DSCAM: variants seen among roughly 807,000 people sequenced by gnomAD.
The protein encoded by DSCAM is DS cell adhesion molecule, also known as cell adhesion molecule DSCAM.
In DSCAM, 47 loss-of-function variants were observed where a neutral mutation model predicts 217.7. The observed-to-expected ratio is 0.22, with a 90% confidence interval of 0.17 to 0.28. DSCAM has a LOEUF of 0.28. DSCAM is among the 10% of genes least tolerant of loss of function. DSCAM has a pLI of 1.00. For missense variants in DSCAM, 2,080 were observed against 2,618.3 expected (o/e 0.79, Z 4.49); for synonymous variants, 1,056 against 1,015.3 (o/e 1.04, Z -0.76).
intron 1 of DSCAM, among the ~76,000 whole-genome samples, chr21:40,725,395 T>C (rs1231660602): frequency 1.3e-5 from 2 of 152,308 alleles, no homozygotes; most frequent in Non-Finnish European, 1.5e-5. Flanking sequence ...TATGAGGTAC[T>C]CTTCTATCTT....
intron 1 of DSCAM, among the ~76,000 whole-genome samples, chr21:40,744,441 C>A (rs1196824941): frequency 6.6e-6 from 1 of 151,934 alleles, no homozygotes; most frequent in East Asian, 1.9e-4. Flanking sequence ...CTTCCCCTGA[C>A]CTGGAAACAA....
At chr21:40,037,525 A>C (rs1327932258) in intron 32 of DSCAM, among the ~76,000 whole-genome samples, 26 of 147,596 alleles carry the variant, frequency 1.8e-4, no homozygotes, top group Admixed American at 5.3e-4. Context: ...GAGGATACAA[A>C]CAAATGGAAG....
intron 3 of DSCAM, among the ~76,000 whole-genome samples, chr21:40,625,009 T>C (rs767647277): frequency 2.6e-5 from 4 of 152,308 alleles, no homozygotes; most frequent in South Asian, 4.1e-4. Context: ...ATAGGTATTA[T>C]ACAAATATAT....
At position 40,211,707 on chromosome 21, in the gene DSCAM, T is replaced by C. The variant is rs968716530; in HGVS notation, c.2357-22469A>G. On this transcript the variant is annotated intron_variant, in intron 11 of 32. Coordinates refer to ENST00000400454, the MANE Select transcript of DSCAM (RefSeq NM_001389.5). ...TACAGCCCATGATGCATCAGACATG[T>C]AGATTCTCACCAAAATACCTATGGA... Among the ~76,000 whole-genome samples, 67 of 150,522 alleles carry C rather than the reference T, an allele frequency of 4.5e-4. No individual in the cohort carries two copies. In the Middle Eastern group the frequency reaches 0.01, roughly 23 times the overall value.
At chr21:40,055,276 G>A (rs1601279446) in intron 29 of DSCAM, among the ~76,000 whole-genome samples, 2 of 151,956 alleles carry the variant, frequency 1.3e-5, no homozygotes, top group East Asian at 3.9e-4. Flanking sequence ...TTGTTTAAGT[G>A]TTAAGTACAG....
At chr21:40,448,676 G>T (rs1384901170) in intron 3 of DSCAM, among the ~76,000 whole-genome samples, 14 of 151,610 alleles carry the variant, frequency 9.2e-5, no homozygotes, top group Admixed American at 9.2e-4. Flanking sequence ...TCTTCTACTG[G>T]CTCTCTGATT....
chr21:40,491,053 G>A (rs1011985322), intron 3 of DSCAM, among the ~76,000 whole-genome samples: 15 of 152,116 alleles, frequency 9.9e-5, no homozygotes, highest in Admixed American at 2.0e-4. Flanking sequence ...CTCTGCCCCC[G>A]TGTTTTAAGA....
At chr21:40,115,706 G>A (rs1364256982) in intron 20 of DSCAM, among the ~76,000 whole-genome samples, 3 of 152,206 alleles carry the variant, frequency 2.0e-5, no homozygotes, top group African/African-American at 7.2e-5. Flanking sequence ...CTGTTGATGG[G>A]AGTATAAATT....
At chr21:40,048,354 A>T (rs1010846639) in intron 30 of DSCAM, among the ~76,000 whole-genome samples, 1 of 152,058 alleles carries the variant, frequency 6.6e-6, no homozygotes, top group Admixed American at 6.6e-5. Flanking sequence ...CCTGTGTCAG[A>T]CACTGTGGCT....
intron 16 of DSCAM, among the ~76,000 whole-genome samples, chr21:40,157,139 T>A (rs1018137763): frequency 6.6e-6 from 1 of 152,248 alleles, no homozygotes; most frequent in Admixed American, 6.5e-5. Context: ...GTGAAAATTA[T>A]GTGAACTTCA....
chr21:40,614,492 A>C (rs2089361571), intron 3 of DSCAM, among the ~76,000 whole-genome samples: 1 of 152,212 alleles, frequency 6.6e-6, no homozygotes, highest in Non-Finnish European at 1.5e-5. Flanking sequence ...AAAAAGACCT[A>C]CTGTGTGAAA....
chr21:40,819,944 T>C (rs80035875), intron 1 of DSCAM, among the ~76,000 whole-genome samples: 3,322 of 152,236 alleles, frequency 0.022, 57 homozygotes, highest in Non-Finnish European at 0.033. Context: ...GAACAGGATA[T>C]CATCATCAGG....
Position 40,347,721 on chromosome 21 carries a change from C to G in DSCAM, c.1159G>C (p.Val387Leu), listed in dbSNP as rs1408641036. The G allele has an allele frequency of 3.1e-6, 5 of 1,614,172 alleles. No homozygotes were observed. The East Asian group carries it at 8.9e-5, about 29-fold the overall frequency. ...KSDGGAYQCF[V>L]RKDKLSAQDY... ...TGAGCGGACAGCTTGTCCTTGCGCACAAAGCACTGGTATGCGCCCCCGTCA... is the reference window on the plus strand; with the variant it reads ...TGAGCGGACAGCTTGTCCTTGCGCAGAAAGCACTGGTATGCGCCCCCGTCA... The change falls in exon 6 of 33, where the codon GTG becomes CTG. Residue 387 changes from valine (V) to leucine (L), a missense_variant. This residue lies in a region of DSCAM where 568 missense variants were observed against 678.1 expected (regional missense o/e 0.84). Transcript: ENST00000400454.
At chr21:40,085,842 G>C (rs2089525942) in intron 22 of DSCAM, 77 bp from the exon 23 acceptor site, 3 of 1,299,470 alleles carry the variant, frequency 2.3e-6, no homozygotes, top group Middle Eastern at 4.0e-4. Flanking sequence ...AAAACAGAAA[G>C]ACTCTGTGAA....
chr21:40,571,064 T>C (rs1272071860), intron 3 of DSCAM, among the ~76,000 whole-genome samples: 1 of 151,916 alleles, frequency 6.6e-6, no homozygotes, highest in Non-Finnish European at 1.5e-5. Context: ...AAATCACACC[T>C]AGGTACATCA....
intron 3 of DSCAM, among the ~76,000 whole-genome samples, chr21:40,377,865 C>T (rs1215377110): frequency 2.0e-5 from 3 of 152,106 alleles, no homozygotes; most frequent in Non-Finnish European, 4.4e-5. Flanking sequence ...CTTCCTATTG[C>T]CATAGCCTTG....
At chr21:40,195,402 C>A (rs1004045809) in intron 11 of DSCAM, among the ~76,000 whole-genome samples, 3 of 152,166 alleles carry the variant, frequency 2.0e-5, no homozygotes, top group African/African-American at 2.4e-5. Flanking sequence ...CCTGGATAAT[C>A]CCGAATGAGA....
chr21:40,483,984 C>T (rs1435137362), intron 3 of DSCAM, among the ~76,000 whole-genome samples: 1 of 152,194 alleles, frequency 6.6e-6, no homozygotes, highest in African/African-American at 2.4e-5. Context: ...TTAATCCTGA[C>T]ATTTTGGCTA....
intron 12 of DSCAM, among the ~76,000 whole-genome samples, chr21:40,188,695 A>G (rs561997162): frequency 6.6e-6 from 1 of 150,924 alleles, no homozygotes; most frequent in Admixed American, 6.6e-5. Flanking sequence ...AGCCCATCTC[A>G]TTTTTCTTTT....
Sources: gnomAD v4.1 joint callset for allele counts (sites outside exome capture counted in the v4.1 genomes callset) on GRCh38, gnomAD v4.1.1 for gene constraint, gnomAD v4.1.1 regional missense constraint, MANE v1.5 for transcripts, NCBI Gene and HGNC (gene_info 2026-07-23, HGNC 2026-07-21) for gene names.